CHCHD3: variants seen among roughly 807,000 people sequenced by gnomAD.
The protein encoded by CHCHD3 is MICOS complex subunit MIC19.
CHCHD3 carries 20 observed loss-of-function variants against 38.2 expected under a neutral mutation model. The ratio of observed to expected loss-of-function variants is 0.52; its 90% CI spans 0.37 to 0.76. The LOEUF is 0.76. Ranked by LOEUF, CHCHD3 falls within the 30% of genes least tolerant of loss-of-function variation. CHCHD3 has a pLI of 0.00. For missense variants in CHCHD3, 245 were observed against 279.2 expected (o/e 0.88, Z 0.87); for synonymous variants, 82 against 100.0 (o/e 0.82, Z 1.07).
chr7:133,035,728 C>T lies in CHCHD3; in HGVS notation c.170-11101G>A. 6.2e-7 allele frequency: 1 copy of T among 1,613,422 alleles called. No homozygotes were observed. Among genetic ancestry groups the T allele is most frequent in the Non-Finnish European group, 8.5e-7 (1 of 1,179,412 alleles). On this transcript the variant is annotated intron_variant, in intron 2 of 7. Transcript: ENST00000262570. The surrounding 1 kb of genome is among the most constrained non-coding windows in gnomAD (Gnocchi z 4.7). ...TTGCTCTCAAACACACAGAATCCAT[C>T]ATCACCCTCAAATGCTGGGACCTTG...
intron 6 of CHCHD3, chr7:132,813,536 C>T (rs183846255): frequency 1.3e-5 from 2 of 152,262 alleles, no homozygotes; most frequent in Admixed American, 1.3e-4. Flanking sequence ...TTAAGCTCTC[C>T]ACACAGTGTC....
intron 2 of CHCHD3, among the ~76,000 whole-genome samples, chr7:133,051,675 A>G (rs984140467): frequency 6.6e-5 from 10 of 152,194 alleles, no homozygotes; most frequent in African/African-American, 2.4e-4. Context: ...TTAGAGATAA[A>G]ATTGCATTTC....
At chr7:132,839,346 T>A (rs1277442604) in intron 5 of CHCHD3, among the ~76,000 whole-genome samples, 1 of 152,124 alleles carries the variant, frequency 6.6e-6, no homozygotes, top group Non-Finnish European at 1.5e-5. Flanking sequence ...TGAACAGGAA[T>A]GGACACATAA....
chr7:133,060,737 C>T (rs1462866573), intron 2 of CHCHD3, among the ~76,000 whole-genome samples: 1 of 152,046 alleles, frequency 6.6e-6, no homozygotes, highest in Admixed American at 6.5e-5. Flanking sequence ...GGTGAAACCC[C>T]ATGTCTACTA....
intron 4 of CHCHD3, among the ~76,000 whole-genome samples, chr7:132,890,908 G>A (rs571170094): frequency 1.3e-5 from 2 of 152,232 alleles, no homozygotes; most frequent in South Asian, 4.1e-4. Context: ...AACTCACATA[G>A]GCAGATGAGC....
At chr7:132,798,562 T>C (rs1398684407) in intron 6 of CHCHD3, among the ~76,000 whole-genome samples, 1 of 152,172 alleles carries the variant, frequency 6.6e-6, no homozygotes, top group Non-Finnish European at 1.5e-5. Flanking sequence ...TAATGACTAA[T>C]AGCTCATAGG....
At chr7:132,959,586 G>A (rs1046430285) in intron 4 of CHCHD3, among the ~76,000 whole-genome samples, 2 of 151,992 alleles carry the variant, frequency 1.3e-5, no homozygotes, top group African/African-American at 4.8e-5. Context: ...AGCAAGGCAT[G>A]GTGGCAGGCA....
At chr7:132,835,488 C>A (rs1015964975) in intron 6 of CHCHD3, among the ~76,000 whole-genome samples, 4 of 152,124 alleles carry the variant, frequency 2.6e-5, no homozygotes, top group Non-Finnish European at 4.4e-5. Context: ...ACTTACAGGG[C>A]CCTGCTGACT....
chr7:133,015,969 A>G (rs1430765113), intron 3 of CHCHD3, among the ~76,000 whole-genome samples: 1 of 149,418 alleles, frequency 6.7e-6, no homozygotes, highest in African/African-American at 2.5e-5. Flanking sequence ...ACTGTCACAC[A>G]CTTTTAAACA....
At chr7:132,791,826 T>C (rs1806467561) in intron 7 of CHCHD3, among the ~76,000 whole-genome samples, 1 of 152,160 alleles carries the variant, frequency 6.6e-6, no homozygotes, top group Non-Finnish European at 1.5e-5. Flanking sequence ...GTTGGAGAGC[T>C]GTCACATTAG....
intron 5 of CHCHD3, among the ~76,000 whole-genome samples, chr7:132,844,007 G>C (rs181686599): frequency 6.6e-5 from 10 of 152,288 alleles, no homozygotes; most frequent in African/African-American, 2.4e-4. Flanking sequence ...GATAAATAAA[G>C]AGAACAAACG....
chr7:132,826,165 C>T (rs1436877706), intron 6 of CHCHD3, among the ~76,000 whole-genome samples: 2 of 152,176 alleles, frequency 1.3e-5, no homozygotes, highest in Non-Finnish European at 2.9e-5. Flanking sequence ...TGAATAGGCA[C>T]TTGTGTAATC....
At chr7:132,996,006 A>T (rs1332500347) in intron 3 of CHCHD3, among the ~76,000 whole-genome samples, 2 of 152,216 alleles carry the variant, frequency 1.3e-5, no homozygotes, top group Non-Finnish European at 2.9e-5. Context: ...ACCACAGCTT[A>T]GAGAAGTTCA....
intron 6 of CHCHD3, among the ~76,000 whole-genome samples, chr7:132,827,974 A>G (rs1361310514): frequency 6.6e-6 from 1 of 152,110 alleles, no homozygotes; most frequent in Admixed American, 6.5e-5. Context: ...GCAGGATACC[A>G]CTGAGTTGAG....
chr7:132,914,057 T>C (rs1336891093), intron 4 of CHCHD3, among the ~76,000 whole-genome samples: 1 of 149,316 alleles, frequency 6.7e-6, no homozygotes, highest in Non-Finnish European at 1.5e-5. Flanking sequence ...CCTCTTGGGT[T>C]GAAGTGACAC....
intron 4 of CHCHD3, among the ~76,000 whole-genome samples, chr7:132,910,621 C>T (rs1809922732): frequency 6.6e-6 from 1 of 152,190 alleles, no homozygotes; most frequent in Non-Finnish European, 1.5e-5. Context: ...TCTAAGCAGG[C>T]AGCTTAACTA....
intron 6 of CHCHD3, among the ~76,000 whole-genome samples, chr7:132,802,862 C>A (rs1806827078): frequency 6.6e-6 from 1 of 151,886 alleles, no homozygotes; most frequent in South Asian, 2.1e-4. Context: ...TTTTCTCAAG[C>A]CTACAAAGTC....
intron 4 of CHCHD3, among the ~76,000 whole-genome samples, chr7:132,974,516 G>C (rs1024759502): frequency 6.6e-6 from 1 of 152,036 alleles, no homozygotes; most frequent in Non-Finnish European, 1.5e-5. Context: ...CCAGCCACGA[G>C]AGAAAGAAGC....
intron 5 of CHCHD3, among the ~76,000 whole-genome samples, chr7:132,854,191 T>C (rs1427358817): frequency 6.6e-6 from 1 of 152,178 alleles, no homozygotes; most frequent in Non-Finnish European, 1.5e-5. Flanking sequence ...ATCATGAATG[T>C]ATACAAAAAT....
Sources: allele counts gnomAD v4.1 joint callset (sites outside exome capture counted in the v4.1 genomes callset), GRCh38; gene constraint gnomAD v4.1.1; non-coding constraint Gnocchi (gnomAD v3.1); transcripts MANE v1.5; gene names NCBI Gene and HGNC (gene_info 2026-07-23, HGNC 2026-07-21).